The following MS4A14 variants were observed in gnomAD, a reference collection of about 807,000 sequenced individuals.
MS4A14 encodes membrane spanning 4-domains A14, also known as membrane-spanning 4-domains subfamily A member 14.
MS4A14 carries 18 observed loss-of-function variants against 16.7 expected under a neutral mutation model. The observed-to-expected ratio is 1.08, with a 90% CI of 0.75 to 1.60. The LOEUF is 1.60. Among genes scored for constraint, MS4A14 ranks in the 40% most tolerant of loss-of-function variants. The pLI, the probability that MS4A14 is intolerant of heterozygous loss-of-function variation, is 0.00. For synonymous variants in MS4A14, 305 were observed against 289.4 expected (o/e 1.05, Z -0.55); for missense variants, 812 against 775.3 (o/e 1.05, Z -0.56).
intron 4 of MS4A14, among the ~76,000 whole-genome samples, chr11:60,404,195 G>A (rs932204317): frequency 6.6e-5 from 10 of 152,204 alleles, no homozygotes; most frequent in African/African-American, 1.7e-4. Flanking sequence ...ATGAAATTCC[G>A]TATTTCCTGC....
At chr11:60,408,056 T>A (rs778391250) in intron 4 of MS4A14, among the ~76,000 whole-genome samples, 1 of 152,146 alleles carries the variant, frequency 6.6e-6, no homozygotes, top group Non-Finnish European at 1.5e-5. Context: ...TTAACTTTCA[T>A]GTACAGTTGT....
intron 4 of MS4A14, chr11:60,405,994 T>C: frequency 6.8e-7 from 1 of 1,476,142 alleles, no homozygotes; most frequent in Non-Finnish European, 9.0e-7. Flanking sequence ...TGAGGTGTGT[T>C]CTGATGTCTC....
In MS4A14 at chr11:60,416,469, C is replaced by T; in HGVS notation, c.1501C>T (p.His501Tyr). Residue 501 changes from histidine to tyrosine, a missense_variant, in exon 5 of 5, where the codon CAT becomes TAT. By Grantham distance (83) the His-to-Tyr change is moderately conservative (BLOSUM62 2). Transcript: ENST00000300187. ...QTKALQYLRR[H>Y]SLDVQAKGQK... Reference sequence around the variant, plus strand: ...CAAAGCCTTGCAATACTTAAGGAGACATTCTTTAGACGTGCAAGCCAAAGG... The same window carrying T: ...CAAAGCCTTGCAATACTTAAGGAGATATTCTTTAGACGTGCAAGCCAAAGG... 6.2e-7 allele frequency: 1 copy of T among 1,613,936 alleles called. No homozygotes were observed. Among genetic ancestry groups the T allele is most frequent in the South Asian group, 1.1e-5 (1 of 91,082 alleles).
At chr11:60,405,740 T>A (rs1398354705) in intron 4 of MS4A14, 4 of 547,286 alleles carry the variant, frequency 7.3e-6, no homozygotes, top group African/African-American at 1.9e-5. Context: ...AGACACAAGA[T>A]GAAAATTGTG....
In MS4A14 at chr11:60,417,122, C is replaced by T. The variant is rs937937215; in HGVS notation, c.*114C>T. 1 of 1,337,276 alleles carries T rather than the reference C, an allele frequency of 7.5e-7. No individual in the cohort carries two copies. The highest frequency in any genetic ancestry group is 2.5e-5 in the East Asian group (1 of 40,308). The allele number at this position is 1,337,276 out of a possible 1,614,324, so 82.8% of individuals were successfully genotyped here. A position where few individuals can be genotyped will look rare whatever the true frequency, so the allele number is the denominator to read the frequency against. ...AGCCCTAAAGCAGAAAGCTCTATACCAAGAAGTCCAAACCCAGCACGCAAC... is the reference window on the plus strand; with the variant it reads ...AGCCCTAAAGCAGAAAGCTCTATACTAAGAAGTCCAAACCCAGCACGCAAC... On this transcript the variant is annotated 3_prime_UTR_variant, in exon 5 of 5. Transcript: ENST00000300187.
rs572271980 is a variant in MS4A14 at position 60,396,657 on chromosome 11, C to T, written c.79C>T (p.Pro27Ser). 1 of 1,614,022 alleles carries T rather than the reference C, an allele frequency of 6.2e-7. No individual in the cohort carries two copies. The highest frequency in any genetic ancestry group is 8.5e-7 in the Non-Finnish European group (1 of 1,179,958). Reference sequence around the variant, plus strand: ...AAACGAAACTGTATTGACTGCATTTCCCTACAGACCTCATAGCTCTCTGCT... The same window carrying T: ...AAACGAAACTGTATTGACTGCATTTTCCTACAGACCTCATAGCTCTCTGCT... The part of the protein sequence containing the change: ...KPNETVLTAF[P>S]YRPHSSLLDF... Residue 27 changes from proline (P) to serine (S), a missense_variant, in exon 1 of 5, where the codon CCC (proline) becomes TCC (serine). By Grantham distance (74) the Pro-to-Ser change is moderately conservative. Coordinates refer to ENST00000300187, the MANE Select transcript of MS4A14 (RefSeq NM_032597.5).
intron 4 of MS4A14, among the ~76,000 whole-genome samples, chr11:60,411,792 T>C (rs1483148811): frequency 6.6e-6 from 1 of 152,166 alleles, no homozygotes; most frequent in Non-Finnish European, 1.5e-5. Context: ...GCTAGAACTT[T>C]TAGTACAATA....
intron 1 of MS4A14, among the ~76,000 whole-genome samples, 190 bp downstream of exon 1, chr11:60,396,906 T>C (rs1230268523): frequency 6.6e-6 from 1 of 152,162 alleles, no homozygotes; most frequent in Non-Finnish European, 1.5e-5. Context: ...GAAACTAGTA[T>C]AACTTTTTAA....
At chr11:60,411,462 G>T (rs1244981826) in intron 4 of MS4A14, among the ~76,000 whole-genome samples, 1 of 152,098 alleles carries the variant, frequency 6.6e-6, no homozygotes, top group African/African-American at 2.4e-5. Flanking sequence ...ATATTTTTTA[G>T]CATAGAGGTC....
Position 60,413,302 on chromosome 11 carries a change from A to G in MS4A14, c.469-2135A>G, listed in dbSNP as rs75368561. Among the ~76,000 whole-genome samples the G allele has an allele frequency of 6.1e-3, 921 of 151,736 alleles. 11 individuals are homozygous for G. The highest frequency in any genetic ancestry group is 0.021 in the African/African-American group (865 of 41,434). On this transcript the variant is annotated intron_variant, in intron 4 of 4. Transcript: ENST00000300187. Reference sequence around the variant, plus strand: ...TTAATAAAGACATTTTTACTCCCAAACTTTATGCCTCATTTTTCTTGCCCT... The same window carrying G: ...TTAATAAAGACATTTTTACTCCCAAGCTTTATGCCTCATTTTTCTTGCCCT...
rs2085624891 is a variant in MS4A14, at chr11:60,396,620, C to T, written c.42C>T (p.Ile14=). 1.9e-6 allele frequency: 3 copies of T among 1,613,870 alleles called. No homozygotes were observed. Among genetic ancestry groups the T allele is most frequent in the African/African-American group, 2.7e-5 (2 of 74,912 alleles). The change falls in exon 1 of 5, where the codon ATC becomes ATT. Residue 14 remains isoleucine (I), a synonymous_variant. Coordinates refer to ENST00000300187, the MANE Select transcript of MS4A14 (RefSeq NM_032597.5). ...AGGACAGAAGGGCAACTCACGTCAT[C>T]ACTATAAAACCAAACGAAACTGTAT... is the stretch of plus-strand genomic sequence containing the variant. ...TSQDRRATHV[I]TIKPNETVLT... is the part of the protein sequence containing the mutation.
At chr11:60,412,685 G>A (rs2085885054) in intron 4 of MS4A14, among the ~76,000 whole-genome samples, 1 of 151,740 alleles carries the variant, frequency 6.6e-6, no homozygotes, top group South Asian at 2.1e-4. Context: ...CAACATTTGG[G>A]TTCATTGATT....
rs777406751 is a variant in MS4A14 at position 60,397,992 on chromosome 11, CG to C, written c.267+13del. The C allele has an allele frequency of 5.0e-6, 8 of 1,611,672 alleles. No individual in the cohort carries two copies. Among genetic ancestry groups the C allele is most frequent in the Non-Finnish European group, 6.8e-6 (8 of 1,178,580 alleles). On this transcript the variant is annotated intron_variant, in intron 2 of 4. Coordinates refer to ENST00000300187, the MANE Select transcript of MS4A14 (RefSeq NM_032597.5). ...GGGGAGCACTTATTGTGAGTACTGT[CG>C]ATTAGAAGCTTTGGAGAAATTGCTA...
chr11:60,404,236 AC>A (rs775055495), intron 4 of MS4A14, among the ~76,000 whole-genome samples: 5 of 152,362 alleles, frequency 3.3e-5, no homozygotes, highest in Non-Finnish European at 7.3e-5. Context: ...AAGATTAGTT[AC>A]CTGCATACAG....
rs138839767 is a variant in MS4A14 at position 60,398,144 on chromosome 11, CCAT to C, written c.267+171_267+173del. The C allele has an allele frequency of 3.8e-3, 2,218 of 589,404 alleles. 38 individuals are homozygous for C. The highest frequency in any genetic ancestry group is 0.037 in the African/African-American group (1,977 of 53,014). 36.5% of individuals were successfully genotyped at this position (589,404 alleles called of 1,614,324 possible). On this transcript the variant is annotated intron_variant, in intron 2 of 4. Transcript: ENST00000300187. Reference sequence around the variant, plus strand: ...GCAACTCCATTTGGTCACTGCACTACCATCATCATTGTAATAACTACTCTCAGG... The same window carrying C: ...GCAACTCCATTTGGTCACTGCACTACCATCATTGTAATAACTACTCTCAGG...
intron 2 of MS4A14, among the ~76,000 whole-genome samples, chr11:60,399,446 G>A (rs968871405): frequency 1.3e-5 from 2 of 152,196 alleles, no homozygotes; most frequent in African/African-American, 4.8e-5. Context: ...AAGGTAGGGT[G>A]TAACCAGGTC....
At chr11:60,407,944 T>A (rs1004915454) in intron 4 of MS4A14, among the ~76,000 whole-genome samples, 1 of 152,206 alleles carries the variant, frequency 6.6e-6, no homozygotes, top group African/African-American at 2.4e-5. Flanking sequence ...TTGTGTTCTG[T>A]TTAACAGGTT....
intron 4 of MS4A14, among the ~76,000 whole-genome samples, chr11:60,408,833 C>CT (rs543683660): frequency 3.7e-4 from 57 of 152,254 alleles, no homozygotes; most frequent in South Asian, 2.3e-3. Flanking sequence ...AGCGAAATTG[C>CT]TGGCTTATAT....
intron 4 of MS4A14, 129 bp downstream of exon 4, chr11:60,403,190 G>A (rs2085740640): frequency 2.1e-6 from 2 of 965,568 alleles, no homozygotes; most frequent in Non-Finnish European, 3.3e-6. Context: ...GGTTGAGAAG[G>A]GTACCATGGG....
Sources: allele counts gnomAD v4.1 joint callset (sites outside exome capture counted in the v4.1 genomes callset), GRCh38; gene constraint gnomAD v4.1.1; transcripts MANE v1.5; gene names NCBI Gene and HGNC (gene_info 2026-07-23, HGNC 2026-07-21).